The following SLC35D4 variants were observed in gnomAD, a reference collection of about 807,000 sequenced individuals.
SLC35D4 encodes UDP-N-acetylglucosamine transporter SLC35D4.
chr18:23,371,942 T>TCTG, the SLC35D4 span, among the ~76,000 whole-genome samples: 1 of 30,750 alleles, frequency 3.3e-5, no homozygotes, highest in African/African-American at 9.1e-5. Flanking sequence ...TTTGTTTTTT[T>TCTG]TTTTTTTTTT....
chr18:23,349,618 G>A, the SLC35D4 span, among the ~76,000 whole-genome samples: 3,758 of 152,332 alleles, frequency 0.025, 49 homozygotes, highest in Middle Eastern at 0.058. Flanking sequence ...GCGACAGAGC[G>A]AGACTACGTC....
the SLC35D4 span, among the ~76,000 whole-genome samples, chr18:23,427,721 T>C: frequency 2.6e-5 from 4 of 152,162 alleles, no homozygotes; most frequent in Non-Finnish European, 5.9e-5. Flanking sequence ...CATGCACACA[T>C]ATGTTTATTG....
the SLC35D4 span, chr18:23,352,129 C>A: frequency 1.4e-4 from 193 of 1,414,414 alleles, no homozygotes; most frequent in African/African-American, 2.5e-3. Flanking sequence ...TTCACATTAC[C>A]CAGGTTCTGA....
At chr18:23,409,793 G>A in the SLC35D4 span, among the ~76,000 whole-genome samples, 1 of 149,224 alleles carries the variant, frequency 6.7e-6, no homozygotes, top group African/African-American at 2.5e-5. Flanking sequence ...GCAGTGAGCC[G>A]AGATCGCACC....
At chr18:23,349,123 G>T in the SLC35D4 span, among the ~76,000 whole-genome samples, 1 of 152,140 alleles carries the variant, frequency 6.6e-6, no homozygotes, top group African/African-American at 2.4e-5. Context: ...TCAACAGTTT[G>T]ATTATAATGT....
At chr18:23,357,703 A>G in the SLC35D4 span, among the ~76,000 whole-genome samples, 2 of 152,216 alleles carry the variant, frequency 1.3e-5, no homozygotes, top group East Asian at 1.9e-4. Flanking sequence ...ATGGGCTCCT[A>G]TGCTTTCTTG....
the SLC35D4 span, among the ~76,000 whole-genome samples, chr18:23,327,637 A>G: frequency 6.6e-6 from 1 of 152,208 alleles, no homozygotes; most frequent in African/African-American, 2.4e-5. Flanking sequence ...AGGAGCTGGT[A>G]CCATTCCTTC....
the SLC35D4 span, among the ~76,000 whole-genome samples, chr18:23,372,988 A>C: frequency 1.3e-5 from 2 of 152,156 alleles, no homozygotes; most frequent in African/African-American, 4.8e-5. Context: ...TCATAAAGAA[A>C]ACTCAACTTT....
At chr18:23,328,623 T>C in the SLC35D4 span, among the ~76,000 whole-genome samples, 1 of 152,158 alleles carries the variant, frequency 6.6e-6, no homozygotes. Flanking sequence ...AAAATGGCCA[T>C]ACTGCCCAAG....
the SLC35D4 span, among the ~76,000 whole-genome samples, chr18:23,396,085 T>C: frequency 6.6e-6 from 1 of 152,332 alleles, no homozygotes; most frequent in South Asian, 2.1e-4. Context: ...AAAAATCTCC[T>C]TTCCCTTAAC....
At chr18:23,414,687 T>A in the SLC35D4 span, among the ~76,000 whole-genome samples, 36 of 150,798 alleles carry the variant, frequency 2.4e-4, 1 homozygote, top group Admixed American at 1.6e-3. Flanking sequence ...AAAAAAAAAA[T>A]TTAAGTACAG....
At chr18:23,298,225 C>T in the SLC35D4 span, among the ~76,000 whole-genome samples, 2 of 152,224 alleles carry the variant, frequency 1.3e-5, no homozygotes, top group African/African-American at 4.8e-5. Flanking sequence ...CCAGGAATCG[C>T]TCCTATCCCT....
At chr18:23,263,936 C>CTA in the SLC35D4 span, among the ~76,000 whole-genome samples, 1 of 152,250 alleles carries the variant, frequency 6.6e-6, no homozygotes, top group African/African-American at 2.4e-5. Context: ...TAGTCCTTAA[C>CTA]TGCTGCTGTA....
At chr18:23,358,146 G>T in the SLC35D4 span, among the ~76,000 whole-genome samples, 1 of 152,186 alleles carries the variant, frequency 6.6e-6, no homozygotes, top group Non-Finnish European at 1.5e-5. Context: ...TGGAGAATTC[G>T]TTCCGTCTCT....
chr18:23,394,542 C>T, the SLC35D4 span, among the ~76,000 whole-genome samples: 418 of 152,224 alleles, frequency 2.7e-3, 19 homozygotes, highest in East Asian at 0.076. Flanking sequence ...CTTTAAAGCA[C>T]CAAAATTTTT....
the SLC35D4 span, among the ~76,000 whole-genome samples, chr18:23,417,950 G>A: frequency 6.6e-6 from 1 of 152,144 alleles, no homozygotes; most frequent in Non-Finnish European, 1.5e-5. Context: ...TACCCATTTG[G>A]AGCCAGGGTC....
At chr18:23,432,925 G>A in the SLC35D4 span, among the ~76,000 whole-genome samples, 11 of 148,480 alleles carry the variant, frequency 7.4e-5, no homozygotes, top group African/African-American at 2.7e-4. Flanking sequence ...GGTTGCAGTG[G>A]GCCAAGATCA....
chr18:23,282,300 T>TTCCTTCAGACTCCCCCCCAGTTGA, the SLC35D4 span, among the ~76,000 whole-genome samples: 85 of 152,116 alleles, frequency 5.6e-4, no homozygotes, highest in African/African-American at 2.0e-3. Context: ...GGCAGGGGAG[T>TTCCTTCAGACTCCCCCCCAGTTGA]TCCTTCAGAC....
At chr18:23,434,158 T>A in the SLC35D4 span, among the ~76,000 whole-genome samples, 1,539 of 152,174 alleles carry the variant, frequency 0.01, 19 homozygotes, top group African/African-American at 0.036. Context: ...GATATAAAGT[T>A]CCTCACCAGA....
Sources: allele counts gnomAD v4.1 joint callset (sites outside exome capture counted in the v4.1 genomes callset), GRCh38; gene constraint gnomAD v4.1.1; transcripts MANE v1.5; gene names NCBI Gene and HGNC (gene_info 2026-07-23, HGNC 2026-07-21).